Variants in NSD1 observed in about 807,000 individuals in gnomAD.
NSD1 encodes the protein nuclear receptor binding SET domain protein 1, also known as histone-lysine N-methyltransferase, H3 lysine-36 specific.
Under a neutral mutation model 242.7 loss-of-function variants are expected in NSD1, and 26 were observed. The ratio of observed to expected loss-of-function variants is 0.11; its 90% CI spans 0.08 to 0.15. The LOEUF (loss-of-function observed/expected upper bound fraction) is 0.15. Among genes scored for constraint, NSD1 ranks in the 10% least tolerant of loss-of-function variants. The pLI, the probability that NSD1 is intolerant of heterozygous loss-of-function variation, is 1.00. For synonymous variants in NSD1, 1,106 were observed against 1,178.1 expected (o/e 0.94, Z 1.25); for missense variants, 2,495 against 3,272.8 (o/e 0.76, Z 5.80).
intron 16 of NSD1, among the ~76,000 whole-genome samples, chr5:177,273,312 T>A (rs1428764489): frequency 8.8e-5 from 8 of 90,882 alleles, no homozygotes; most frequent in East Asian, 3.3e-4. Flanking sequence ...ACTGATGAGC[T>A]AAAAAAAAAA....
chr5:177,259,524 A>T (rs548262439), intron 13 of NSD1, among the ~76,000 whole-genome samples: 2 of 152,186 alleles, frequency 1.3e-5, no homozygotes, highest in African/African-American at 4.8e-5. Flanking sequence ...TTTAATTGTT[A>T]TTACAGATTG....
rs1015138364 is a variant in NSD1 at position 177,296,240 on chromosome 5, A to T, written c.*781A>T. The T allele has an allele frequency of 4.3e-6, 1 of 234,762 alleles. No homozygotes were observed. Among genetic ancestry groups the T allele is most frequent in the African/African-American group, 2.2e-5 (1 of 45,366 alleles). 14.5% of individuals were successfully genotyped at this position (234,762 alleles called of 1,614,324 possible). On this transcript the variant is annotated 3_prime_UTR_variant, in exon 23 of 23. Coordinates refer to ENST00000439151, the MANE Select transcript of NSD1 (RefSeq NM_022455.5). The stretch of plus-strand genomic sequence containing the variant: ...TGCTGCTTTTGTCTGGGCTGTGCAG[A>T]GTCTCAAGATCAGTCCTTGGAGGAG...
intron 14 of NSD1, chr5:177,265,672 C>T (rs889230273): frequency 6.2e-7 from 1 of 1,609,652 alleles, no homozygotes; most frequent in Non-Finnish European, 8.5e-7. Context: ...CGTTGGGCCG[C>T]ATGCCGATGG....
chr5:177,168,543 T>C (rs1419034050), intron 2 of NSD1, among the ~76,000 whole-genome samples: 1 of 150,614 alleles, frequency 6.6e-6, no homozygotes, highest in Non-Finnish European at 1.5e-5. Flanking sequence ...CACTGCAGCC[T>C]CTGCCTCCCG....
intron 2 of NSD1, among the ~76,000 whole-genome samples, chr5:177,164,198 C>T (rs1328318763): frequency 6.7e-6 from 1 of 150,340 alleles, no homozygotes. Context: ...CTCTGTTGCC[C>T]AAGCTGGAGT....
chr5:177,257,948 G>A (rs1410454220), intron 13 of NSD1, among the ~76,000 whole-genome samples: 1 of 142,862 alleles, frequency 7.0e-6, no homozygotes, highest in Non-Finnish European at 1.5e-5. Flanking sequence ...ACAGGCGTGA[G>A]CCACCACGCG....
At chr5:177,253,288 G>A (rs1756157193) in intron 12 of NSD1, among the ~76,000 whole-genome samples, 1 of 152,182 alleles carries the variant, frequency 6.6e-6, no homozygotes, top group South Asian at 2.1e-4. Context: ...ATCATTTTGA[G>A]TGTGTAAAAC....
intron 10 of NSD1, among the ~76,000 whole-genome samples, chr5:177,247,592 T>G (rs930990193): frequency 1.3e-5 from 2 of 151,034 alleles, no homozygotes; most frequent in Non-Finnish European, 2.9e-5. Context: ...AAATCGAGAC[T>G]GCTGTGGTTA....
At chr5:177,239,627 C>T (rs1372753988) in intron 7 of NSD1, 129 bp from the exon 8 acceptor site, 3 of 629,996 alleles carry the variant, frequency 4.8e-6, no homozygotes, top group Non-Finnish European at 8.6e-6. Context: ...ACCATCCTGC[C>T]TCTTCCCATA....
At chr5:177,138,472 T>C (rs1156641834) in intron 2 of NSD1, among the ~76,000 whole-genome samples, 1 of 152,088 alleles carries the variant, frequency 6.6e-6, no homozygotes, top group Non-Finnish European at 1.5e-5. Flanking sequence ...GCCAGGCTGG[T>C]CTTGAACTCC....
rs1214787759 is a variant in NSD1, at chr5:177,143,848, G to T, written c.927+7818G>T. 6.3e-5 allele frequency among the ~76,000 whole-genome samples: 9 copies of T among 142,052 alleles called. No homozygotes were observed. In the Admixed American group the frequency reaches 6.7e-4, roughly 11 times the overall value. 93.2% of individuals were successfully genotyped at this position (142,052 alleles called of 152,430 possible). A position where few individuals can be genotyped will look rare whatever the true frequency, so the allele number is the denominator to read the frequency against. ...CCCAGGCTGGAGTGCAAAATGGCAC[G>T]ATCTTGGCTCACTGCAACCTCCACC... On this transcript the variant is annotated intron_variant, in intron 2 of 22. Coordinates refer to ENST00000439151, the MANE Select transcript of NSD1 (RefSeq NM_022455.5).
chr5:177,251,593 C>T (rs1755972725), intron 11 of NSD1, 137 bp from the exon 12 acceptor site: 2 of 787,192 alleles, frequency 2.5e-6, no homozygotes, highest in African/African-American at 3.5e-5. Flanking sequence ...CTAAAATCTA[C>T]AACTACGGGC....
chr5:177,269,310 G>A lies in NSD1; in HGVS notation c.5304-292G>A, dbSNP rs186809876. Among the ~76,000 whole-genome samples the A allele has an allele frequency of 1.3e-5, 2 of 152,202 alleles. No homozygotes were observed. The highest frequency in any genetic ancestry group is 2.9e-5 in the Non-Finnish European group (2 of 67,988). ...TCCTTCTTATAATGCTTCAGTGAAT[G>A]TTATTGTCATAACTCTCTGTTCCTA... On this transcript the variant is annotated intron_variant, in intron 15 of 22. Coordinates refer to ENST00000439151, the MANE Select transcript of NSD1 (RefSeq NM_022455.5). This position sits in a 1 kb window ranked among gnomAD's most constrained non-coding sequence, Gnocchi z 5.1.
rs145845461 is a variant in NSD1, at chr5:177,241,590, C to T, written c.4302+1725C>T. ...CAGTATCTTTTAAGTATTAATTATA[C>T]TTAATAACTCTTCGTCACGGTTGAA... On this transcript the variant is annotated intron_variant, in intron 8 of 22. Coordinates refer to ENST00000439151, the MANE Select transcript of NSD1 (RefSeq NM_022455.5). 1.9e-4 allele frequency among the ~76,000 whole-genome samples: 29 copies of T among 152,014 alleles called. No homozygotes were observed. In the East Asian group the frequency reaches 5.4e-3, roughly 28 times the overall value.
At chr5:177,272,434 T>C (rs1273200402) in intron 16 of NSD1, among the ~76,000 whole-genome samples, 3 of 152,114 alleles carry the variant, frequency 2.0e-5, no homozygotes, top group Non-Finnish European at 4.4e-5. Context: ...AGAATTTCTT[T>C]AAAGGATTGA....
At chr5:177,204,819 G>A (rs1762761205) in intron 4 of NSD1, among the ~76,000 whole-genome samples, 1 of 151,994 alleles carries the variant, frequency 6.6e-6, no homozygotes. Context: ...CTCCCCAGTG[G>A]GCTGGGGCTA....
intron 2 of NSD1, among the ~76,000 whole-genome samples, chr5:177,145,612 G>A (rs1386393968): frequency 6.6e-6 from 1 of 152,048 alleles, no homozygotes; most frequent in Non-Finnish European, 1.5e-5. Context: ...ACATGCAGTT[G>A]TAACAAATTC....
intron 2 of NSD1, among the ~76,000 whole-genome samples, chr5:177,160,455 G>A (rs1581166874): frequency 6.6e-6 from 1 of 151,088 alleles, no homozygotes; most frequent in East Asian, 2.0e-4. Flanking sequence ...CACGTGCCAC[G>A]ACGCCCGGCT....
intron 2 of NSD1, among the ~76,000 whole-genome samples, chr5:177,151,671 G>A (rs1478242372): frequency 2.0e-5 from 3 of 151,404 alleles, no homozygotes; most frequent in Non-Finnish European, 2.9e-5. Flanking sequence ...TTACAGGCAT[G>A]AGCCACCGTG....
Sources: allele counts gnomAD v4.1 joint callset (sites outside exome capture counted in the v4.1 genomes callset), GRCh38; gene constraint gnomAD v4.1.1; non-coding constraint Gnocchi (gnomAD v3.1); transcripts MANE v1.5; gene names NCBI Gene and HGNC (gene_info 2026-07-23, HGNC 2026-07-21).